The following SORCS3 variants were observed in gnomAD, a reference collection of about 807,000 sequenced individuals.
SORCS3 encodes sortilin related VPS10 domain containing receptor 3.
In SORCS3, 57 loss-of-function variants were observed where a neutral mutation model predicts 146.3. That is an observed-to-expected ratio of 0.39 (90% CI 0.31 to 0.49). The LOEUF (loss-of-function observed/expected upper bound fraction) is 0.49. Ranked by LOEUF, SORCS3 falls within the 20% of genes least tolerant of loss-of-function variation. SORCS3 has a pLI of 0.92. For missense variants in SORCS3, 1,341 were observed against 1,575.5 expected (o/e 0.85, Z 2.52); for synonymous variants, 653 against 618.5 (o/e 1.06, Z -0.83).
At chr10:105,032,199 AG>A (rs2055273132) in intron 4 of SORCS3, among the ~76,000 whole-genome samples, 1 of 152,216 alleles carries the variant, frequency 6.6e-6, no homozygotes, top group South Asian at 2.1e-4. Context: ...TTTTAAAAAA[AG>A]AAAGAAAGAA....
At chr10:105,200,695 A>G (rs1334899204) in intron 15 of SORCS3, among the ~76,000 whole-genome samples, 1 of 152,204 alleles carries the variant, frequency 6.6e-6, no homozygotes, top group Non-Finnish European at 1.5e-5. Context: ...TTTATCATAG[A>G]GAAGGAACAT....
intron 2 of SORCS3, among the ~76,000 whole-genome samples, chr10:104,843,703 A>C (rs2018171413): frequency 3.3e-5 from 5 of 152,226 alleles, no homozygotes. Flanking sequence ...TGTTACACAC[A>C]CTTACGCCTA....
intron 1 of SORCS3, among the ~76,000 whole-genome samples, chr10:104,674,776 T>G (rs1444912773): frequency 6.6e-6 from 1 of 152,186 alleles, no homozygotes; most frequent in Non-Finnish European, 1.5e-5. Context: ...TTGTTAAGGG[T>G]TTTTTTCAAT....
At chr10:105,251,273 C>A (rs1350246419) in intron 22 of SORCS3, among the ~76,000 whole-genome samples, 3 of 152,160 alleles carry the variant, frequency 2.0e-5, no homozygotes, top group Admixed American at 2.0e-4. Context: ...CCTTATAAAA[C>A]CATTAGCTCT....
chr10:105,154,901 C>T (rs975163781), intron 9 of SORCS3, among the ~76,000 whole-genome samples: 4 of 152,164 alleles, frequency 2.6e-5, no homozygotes, highest in Admixed American at 1.3e-4. Flanking sequence ...ACTCGCAGTC[C>T]ATTTATACAA....
intron 2 of SORCS3, among the ~76,000 whole-genome samples, chr10:104,882,573 A>C (rs2018642166): frequency 6.6e-6 from 1 of 152,168 alleles, no homozygotes; most frequent in Admixed American, 6.5e-5. Flanking sequence ...CAAGTGAAGA[A>C]CCTGAGGCCC....
intron 16 of SORCS3, among the ~76,000 whole-genome samples, chr10:105,204,298 T>C (rs886811831): frequency 1.3e-5 from 2 of 152,200 alleles, no homozygotes; most frequent in Admixed American, 1.3e-4. Flanking sequence ...TTCTCTCCTC[T>C]ACACCCTGCC....
At chr10:104,700,167 A>G (rs1259214135) in intron 1 of SORCS3, among the ~76,000 whole-genome samples, 2 of 152,188 alleles carry the variant, frequency 1.3e-5, no homozygotes, top group Non-Finnish European at 2.9e-5. Flanking sequence ...GTGTAGGAAA[A>G]TAAGGTGGCC....
At position 104,977,250 on chromosome 10, in the gene SORCS3, C is replaced by T. The variant is rs2054904645; in HGVS notation, c.796-85C>T. The T allele has an allele frequency of 4.4e-6, 5 of 1,147,134 alleles. No homozygotes were observed. In the East Asian group the frequency reaches 1.3e-4, roughly 30 times the overall value. The allele number at this position is 1,147,134 out of a possible 1,614,324, so 71.1% of individuals were successfully genotyped here. A position where few individuals can be genotyped will look rare whatever the true frequency, so the allele number is the denominator to read the frequency against. ...CTTTATGTGCTATGGTGTACAAATACAGATGACTTATTTATGATTAAAGTT... is the reference window on the plus strand; with the variant it reads ...CTTTATGTGCTATGGTGTACAAATATAGATGACTTATTTATGATTAAAGTT... On this transcript the variant is annotated intron_variant, in intron 3 of 26. Coordinates refer to ENST00000369701, the MANE Select transcript of SORCS3 (RefSeq NM_014978.3).
chr10:104,814,062 C>G (rs2017769719), intron 1 of SORCS3, among the ~76,000 whole-genome samples: 1 of 151,306 alleles, frequency 6.6e-6, no homozygotes, highest in African/African-American at 2.4e-5. Flanking sequence ...ATCTCTTAAT[C>G]ATGCACAGGC....
intron 1 of SORCS3, among the ~76,000 whole-genome samples, chr10:104,720,395 G>A (rs1227669947): frequency 6.6e-6 from 1 of 152,118 alleles, no homozygotes; most frequent in Non-Finnish European, 1.5e-5. Flanking sequence ...ATTTGGGTTG[G>A]TTCCAAGTCT....
intron 14 of SORCS3, among the ~76,000 whole-genome samples, chr10:105,186,659 G>C (rs2119581974): frequency 6.6e-6 from 1 of 152,156 alleles, no homozygotes; most frequent in Non-Finnish European, 1.5e-5. Flanking sequence ...GAGGTGGGCA[G>C]ATCACCTGAG....
intron 2 of SORCS3, among the ~76,000 whole-genome samples, chr10:104,843,489 A>G (rs1166282840): frequency 6.6e-6 from 1 of 152,216 alleles, no homozygotes; most frequent in Non-Finnish European, 1.5e-5. Flanking sequence ...TATTCTTTTG[A>G]TTTTAAAATA....
chr10:105,072,340 C>T (rs1047436513), intron 5 of SORCS3, among the ~76,000 whole-genome samples: 4 of 152,120 alleles, frequency 2.6e-5, no homozygotes, highest in East Asian at 1.9e-4. Context: ...GATGAAAAAG[C>T]GCCTATTAAG....
At chr10:105,083,531 A>G (rs563203146) in intron 5 of SORCS3, among the ~76,000 whole-genome samples, 18 of 152,192 alleles carry the variant, frequency 1.2e-4, no homozygotes, top group Admixed American at 1.0e-3. Context: ...ACCTGTGGCA[A>G]TGTCACGGAC....
Position 104,938,050 on chromosome 10 carries a change from G to A in SORCS3, c.795+22118G>A, listed in dbSNP as rs748718134. Among the ~76,000 whole-genome samples the A allele has an allele frequency of 5.3e-4, 81 of 152,106 alleles. 1 individual carries two copies. Among genetic ancestry groups the A allele is most frequent in the Non-Finnish European group, 3.8e-4 (26 of 68,024 alleles). Reference sequence around the variant, plus strand: ...CTTTGATTTTGCTGAAGTTTAATGTGTTTTCGGCACTTCCAGGACTCCCTA... The same window carrying A: ...CTTTGATTTTGCTGAAGTTTAATGTATTTTCGGCACTTCCAGGACTCCCTA... On this transcript the variant is annotated intron_variant, in intron 3 of 26. Coordinates refer to ENST00000369701, the MANE Select transcript of SORCS3 (RefSeq NM_014978.3).
At chr10:104,684,779 GTTTTTTTTTTTTTTTTTTTTT>G (rs764055039) in intron 1 of SORCS3, among the ~76,000 whole-genome samples, 7 of 81,566 alleles carry the variant, frequency 8.6e-5, no homozygotes, top group African/African-American at 2.4e-4. Context: ...AGTCCTCAGT[GTTTTTTTTTTTTTTTTTTTTT>G]TTTTTTTTTT....
intron 14 of SORCS3, among the ~76,000 whole-genome samples, chr10:105,179,231 A>G (rs1230416323): frequency 6.6e-6 from 1 of 152,190 alleles, no homozygotes; most frequent in African/African-American, 2.4e-5. Context: ...TGTGTATGCC[A>G]ATCTCTACAT....
chr10:105,190,550 C>T (rs1168715470), intron 14 of SORCS3, among the ~76,000 whole-genome samples: 6 of 152,260 alleles, frequency 3.9e-5, no homozygotes, highest in Non-Finnish European at 8.8e-5. Context: ...AGGTGCGTGC[C>T]ACCACGCCAA....
Sources: allele counts gnomAD v4.1 joint callset (sites outside exome capture counted in the v4.1 genomes callset), GRCh38; gene constraint gnomAD v4.1.1; transcripts MANE v1.5; gene names NCBI Gene and HGNC (gene_info 2026-07-23, HGNC 2026-07-21).